The following CD36 variants were observed in gnomAD, a reference collection of about 807,000 sequenced individuals.
The protein encoded by CD36 is CD36 molecule (CD36 blood group), also known as platelet glycoprotein 4.
In CD36, 119 loss-of-function variants were observed where a neutral mutation model predicts 55.2. The observed-to-expected ratio is 2.15, with a 90% confidence interval of 1.86 to 2.51. CD36 has a LOEUF of 2.51. CD36 is among the 30% of genes most tolerant of loss of function. The probability of loss-of-function intolerance (pLI) is 0.00; values close to 1 mark genes in which losing one functional copy is unlikely to be tolerated. For missense variants in CD36, 819 were observed against 555.5 expected, an observed-to-expected ratio of 1.47 and a Z score of -4.77; for synonymous variants, 186 against 193.6, an observed-to-expected ratio of 0.96 and a Z score of 0.33.
rs1363671181 is a variant in CD36 at position 80,667,747 on chromosome 7, G to GTTTTTTGT, written c.748+1264_748+1265insGTTTTTTT. 7.9e-3 allele frequency among the ~76,000 whole-genome samples: 653 copies of GTTTTTTGT among 82,646 alleles called. 6 individuals are homozygous for GTTTTTTGT. Among genetic ancestry groups the GTTTTTTGT allele is most frequent in the African/African-American group, 0.026 (618 of 24,120 alleles). 54.2% of individuals were successfully genotyped at this position (82,646 alleles called of 152,430 possible). On this transcript the variant is annotated intron_variant, in intron 8 of 14. Transcript: ENST00000447544. The stretch of plus-strand genomic sequence containing the variant: ...GTTGGATTTGCAGGGGTTTTCTTTT[G>GTTTTTTGT]TTTTTTTTTTTTTTTTTTTTTGAGA...
At chr7:80,625,874 G>C (rs980575682) in intron 1 of CD36, among the ~76,000 whole-genome samples, 1 of 152,016 alleles carries the variant, frequency 6.6e-6, no homozygotes, top group African/African-American at 2.4e-5. Context: ...ATACATACCA[G>C]GCACTGACCA....
In CD36 at chr7:80,643,334, C is replaced by A. The variant is rs190166729; in HGVS notation, c.-183-2754C>A. On this transcript the variant is annotated intron_variant, in intron 1 of 14. Coordinates refer to ENST00000447544, the MANE Select transcript of CD36 (RefSeq NM_001001548.3). ...TATAATTTTAAATCATTTTGTATCA[C>A]ATTTGTCAGAGTTGCAAATGACATT... Among the ~76,000 whole-genome samples the A allele has an allele frequency of 5.2e-3, 788 of 152,256 alleles. 9 individuals are homozygous for A. Among genetic ancestry groups the A allele is most frequent in the African/African-American group, 0.018 (739 of 41,544 alleles).
intron 13 of CD36, 197 bp downstream of exon 13, chr7:80,673,606 A>G: frequency 1.7e-6 from 1 of 572,784 alleles, no homozygotes; most frequent in Non-Finnish European, 3.1e-6. Flanking sequence ...ATTTTCTTCA[A>G]AAATGCATCT....
chr7:80,671,818 A>AT (rs1415030637), intron 10 of CD36, 104 bp from the exon 11 acceptor site: 1 of 1,024,012 alleles, frequency 9.8e-7, no homozygotes, highest in Non-Finnish European at 1.5e-6. Flanking sequence ...AAAACCATGT[A>AT]TTTTTTAATG....
chr7:80,624,825 T>A (rs912547320), intron 1 of CD36: 3 of 152,090 alleles, frequency 2.0e-5, no homozygotes, highest in Admixed American at 2.0e-4. Context: ...ATGAATATGA[T>A]TATAAAAATT....
chr7:80,646,654 C>G lies in CD36; in HGVS notation c.-87C>G. On this transcript the variant is annotated splice_region_variant and 5_prime_UTR_variant, in exon 3 of 15. Coordinates refer to ENST00000447544, the MANE Select transcript of CD36 (RefSeq NM_001001548.3). ...TTATGATCTCTTTCTAATGATAGAACCAGAGCTTGTAGAAACCACTTTAAT... is the reference window on the plus strand; with the variant it reads ...TTATGATCTCTTTCTAATGATAGAAGCAGAGCTTGTAGAAACCACTTTAAT... 1.3e-6 allele frequency: 2 copies of G among 1,487,530 alleles called. No individual in the cohort carries two copies. Among genetic ancestry groups the G allele is most frequent in the African/African-American group, 1.4e-5 (1 of 72,470 alleles). The allele number at this position is 1,487,530 out of a possible 1,614,324, so 92.1% of individuals were successfully genotyped here.
At chr7:80,604,512 G>A (rs1371093417) in intron 1 of CD36, among the ~76,000 whole-genome samples, 3 of 151,340 alleles carry the variant, frequency 2.0e-5, no homozygotes, top group South Asian at 2.1e-4. Flanking sequence ...TTTTAGATAC[G>A]TGCTTGTTGG....
intron 14 of CD36, chr7:80,676,088 G>C (rs1798153612): frequency 6.6e-6 from 1 of 152,106 alleles, no homozygotes; most frequent in African/African-American, 2.4e-5. Flanking sequence ...TGATATCTAA[G>C]ATATACTGCC....
chr7:80,659,333 C>G (rs1032338501), intron 4 of CD36, among the ~76,000 whole-genome samples: 8 of 152,142 alleles, frequency 5.3e-5, no homozygotes, highest in South Asian at 2.1e-4. Flanking sequence ...TACACTTTGA[C>G]AAGATATGAC....
At chr7:80,660,265 T>C (rs533887483) in intron 4 of CD36, among the ~76,000 whole-genome samples, 30 of 152,294 alleles carry the variant, frequency 2.0e-4, no homozygotes, top group Non-Finnish European at 3.2e-4. Flanking sequence ...AGCCTAGATA[T>C]GTTAGAGTCA....
chr7:80,669,567 C>A (rs539074532), intron 8 of CD36, among the ~76,000 whole-genome samples: 1 of 152,030 alleles, frequency 6.6e-6, no homozygotes, highest in Admixed American at 6.5e-5. Context: ...ATTACGAGCG[C>A]CTATCTCAGG....
intron 1 of CD36, among the ~76,000 whole-genome samples, chr7:80,622,192 A>G (rs73152220): frequency 0.043 from 6,572 of 152,254 alleles, 232 homozygotes; most frequent in Non-Finnish European, 0.061. Flanking sequence ...ACTCAATAAA[A>G]TTATTTTCTG....
At chr7:80,652,195 T>C (rs915410581) in intron 3 of CD36, among the ~76,000 whole-genome samples, 8 of 152,154 alleles carry the variant, frequency 5.3e-5, no homozygotes, top group African/African-American at 1.9e-4. Flanking sequence ...ATAACAAATG[T>C]CACTTAAAGA....
intron 8 of CD36, among the ~76,000 whole-genome samples, chr7:80,667,431 A>G (rs1213717366): frequency 2.1e-5 from 3 of 141,566 alleles, no homozygotes; most frequent in Non-Finnish European, 3.0e-5. Context: ...CCCTGTCTCA[A>G]AAAAAAAAAA....
intron 13 of CD36, chr7:80,673,631 CTTG>C (rs1797950035): frequency 3.6e-6 from 2 of 561,788 alleles, no homozygotes; most frequent in Non-Finnish European, 6.4e-6. Flanking sequence ...AACACATTTT[CTTG>C]TTGTAACATT....
chr7:80,626,738 AT>A lies in CD36; in HGVS notation c.-183-19345del, dbSNP rs143542806. 4.7e-3 allele frequency among the ~76,000 whole-genome samples: 719 copies of A among 152,216 alleles called. 7 individuals carry two copies. Among genetic ancestry groups the A allele is most frequent in the African/African-American group, 0.017 (694 of 41,560 alleles). ...GAAAACCACTTTACTTGAAAAGTAC[AT>A]TTTTGCAATTGTGGGAAAGACATTA... On this transcript the variant is annotated intron_variant, in intron 1 of 13. Transcript: ENST00000309881.
At chr7:80,660,992 T>G in intron 4 of CD36, 71 bp from the exon 5 acceptor site, 1 of 1,113,156 alleles carries the variant, frequency 9.0e-7, no homozygotes. Flanking sequence ...ATTTGTTGAA[T>G]GAATGACATT....
chr7:80,615,566 T>A (rs1352924277), intron 1 of CD36, among the ~76,000 whole-genome samples: 1 of 152,202 alleles, frequency 6.6e-6, no homozygotes, highest in Non-Finnish European at 1.5e-5. Flanking sequence ...ATCTATCTCC[T>A]ATCAACAAAA....
At chr7:80,665,086 TA>T (rs947918722) in intron 7 of CD36, among the ~76,000 whole-genome samples, 2 of 151,962 alleles carry the variant, frequency 1.3e-5, no homozygotes, top group Non-Finnish European at 2.9e-5. Context: ...AATGCAAAAA[TA>T]GAATGAATAT....
Sources: gnomAD v4.1 joint callset for allele counts (sites outside exome capture counted in the v4.1 genomes callset) on GRCh38, gnomAD v4.1.1 for gene constraint, MANE v1.5 for transcripts, NCBI Gene and HGNC (gene_info 2026-07-23, HGNC 2026-07-21) for gene names.